The following CPVL variants were observed in gnomAD, a reference collection of about 807,000 sequenced individuals.
CPVL encodes carboxypeptidase vitellogenic like, also known as probable serine carboxypeptidase CPVL.
A neutral mutation model predicts 63.7 loss-of-function variants in CPVL; 51 were observed. That is an observed-to-expected ratio of 0.80 (90% CI 0.64 to 1.01). CPVL has a LOEUF of 1.01. Ranked by LOEUF, CPVL falls within the 50% of genes least tolerant of loss-of-function variation. The pLI is 0.00. For missense variants in CPVL, 530 were observed against 573.1 expected, an observed-to-expected ratio of 0.92 and a Z score of 0.77; for synonymous variants, 195 against 206.0, an observed-to-expected ratio of 0.95 and a Z score of 0.46.
At chr7:29,089,050 T>C (rs1436466285) in intron 6 of CPVL, among the ~76,000 whole-genome samples, 36 of 152,184 alleles carry the variant, frequency 2.4e-4, no homozygotes. Flanking sequence ...AAGAGCTACA[T>C]GGCACAAGAA....
At chr7:29,155,438 A>G (rs761479460) in intron 5 of CPVL, among the ~76,000 whole-genome samples, 22 of 152,208 alleles carry the variant, frequency 1.4e-4, no homozygotes, top group Non-Finnish European at 2.9e-4. Flanking sequence ...GAGGTCATTC[A>G]GCCCTTACTG....
chr7:29,188,206 A>G (rs1798960410), intron 1 of CPVL, among the ~76,000 whole-genome samples: 1 of 152,224 alleles, frequency 6.6e-6, no homozygotes, highest in Non-Finnish European at 1.5e-5. Context: ...TATGCTTTAG[A>G]CACTATATTA....
chr7:29,073,532 G>T (rs1398214699), intron 7 of CPVL, among the ~76,000 whole-genome samples: 1 of 152,034 alleles, frequency 6.6e-6, no homozygotes, highest in African/African-American at 2.4e-5. Flanking sequence ...TTCCTTTCCA[G>T]CCCATTGGGT....
chr7:29,147,542 A>G (rs763931552), upstream of CPVL, among the ~76,000 whole-genome samples: 1 of 152,186 alleles, frequency 6.6e-6, no homozygotes, highest in Non-Finnish European at 1.5e-5. Flanking sequence ...CTAAGTACCT[A>G]CTTTATTGGG....
At chr7:29,072,023 T>G in intron 8 of CPVL, 119 bp from the exon 9 acceptor site, 2 of 1,238,276 alleles carry the variant, frequency 1.6e-6, no homozygotes, top group Non-Finnish European at 2.3e-6. Context: ...GTTAGCCAAG[T>G]AGGATAATTA....
chr7:29,133,309 C>A (rs1030498645), intron 1 of CPVL, among the ~76,000 whole-genome samples: 4 of 152,116 alleles, frequency 2.6e-5, no homozygotes, highest in Non-Finnish European at 4.4e-5. Flanking sequence ...AAAGAAAAAT[C>A]TGTCTTTATC....
At chr7:29,084,543 G>T (rs1453314041) in intron 7 of CPVL, among the ~76,000 whole-genome samples, 2 of 152,138 alleles carry the variant, frequency 1.3e-5, no homozygotes, top group African/African-American at 2.4e-5. Flanking sequence ...CTAGAATGTA[G>T]GGCATGGATT....
At position 29,071,763 on chromosome 7, in the gene CPVL, C is replaced by G. The variant is rs760391177; in HGVS notation, c.864+10G>C. The G allele has an allele frequency of 1.7e-4, 282 of 1,612,250 alleles. No individual in the cohort carries two copies. The Middle Eastern group carries it at 2.5e-3, about 14-fold the overall frequency. On this transcript the variant is annotated intron_variant, in intron 9 of 12. Transcript: ENST00000265394. ...TTGCTCAAGGGCAGCACAGGGCCCCCAGAACTCACTTCAAAGGCCTCAAAC... is the reference window on the plus strand; with the variant it reads ...TTGCTCAAGGGCAGCACAGGGCCCCGAGAACTCACTTCAAAGGCCTCAAAC...
At chr7:29,157,661 T>C (rs896948926) in intron 5 of CPVL, among the ~76,000 whole-genome samples, 4 of 152,242 alleles carry the variant, frequency 2.6e-5, no homozygotes, top group East Asian at 3.9e-4. Flanking sequence ...TAATGTTTCA[T>C]TGGAGATAAA....
At chr7:29,087,862 A>T (rs537877091) in intron 6 of CPVL, among the ~76,000 whole-genome samples, 11 of 152,178 alleles carry the variant, frequency 7.2e-5, no homozygotes, top group Non-Finnish European at 1.6e-4. Context: ...GTTTCGGTGT[A>T]TTTCTGTATT....
chr7:29,128,613 G>A (rs138297819), intron 1 of CPVL, among the ~76,000 whole-genome samples: 1,775 of 151,298 alleles, frequency 0.012, 32 homozygotes, highest in African/African-American at 0.04. Flanking sequence ...CTACTCATGA[G>A]GTTGAGGCAG....
intron 5 of CPVL, among the ~76,000 whole-genome samples, chr7:29,176,276 A>G (rs960218107): frequency 1.3e-5 from 2 of 152,162 alleles, no homozygotes; most frequent in South Asian, 2.1e-4. Context: ...AAGAAGGCCA[A>G]TAGGTCCTGA....
chr7:29,100,947 C>G (rs1787052699), intron 3 of CPVL, among the ~76,000 whole-genome samples: 1 of 152,166 alleles, frequency 6.6e-6, no homozygotes. Flanking sequence ...CCCCAAGAGT[C>G]AGTTGTGTCA....
chr7:29,029,928 C>T (rs985914940), intron 12 of CPVL, among the ~76,000 whole-genome samples: 3 of 152,166 alleles, frequency 2.0e-5, no homozygotes, highest in African/African-American at 7.2e-5. Context: ...TGTACACTTA[C>T]ATATCGACAA....
chr7:29,049,238 T>C (rs1476621870), intron 11 of CPVL, among the ~76,000 whole-genome samples: 1 of 152,038 alleles, frequency 6.6e-6, no homozygotes, highest in Non-Finnish European at 1.5e-5. Context: ...AAGAGCTGGT[T>C]CTTTGAAAAG....
intron 1 of CPVL, among the ~76,000 whole-genome samples, chr7:29,135,025 C>T (rs1236782218): frequency 6.6e-6 from 1 of 151,096 alleles, no homozygotes; most frequent in East Asian, 2.0e-4. Context: ...ATCACTTGGG[C>T]CCCAGGAGGT....
intron 4 of CPVL, among the ~76,000 whole-genome samples, chr7:29,182,635 G>C (rs974035804): frequency 6.6e-6 from 1 of 152,020 alleles, no homozygotes; most frequent in Non-Finnish European, 1.5e-5. Flanking sequence ...ACACAATTAC[G>C]TACACTCATG....
chr7:29,114,523 G>T (rs866420430), intron 2 of CPVL, among the ~76,000 whole-genome samples: 4 of 152,072 alleles, frequency 2.6e-5, no homozygotes, highest in Admixed American at 6.5e-5. Context: ...CCAGCAACTC[G>T]GGAGGCTGAG....
Position 28,995,302 on chromosome 7 carries a change from T to G in CPVL, c.*470A>C, listed in dbSNP as rs1034839. The G allele has an allele frequency of 0.14, 21,140 of 152,978 alleles. 4,427 individuals are homozygous for G. Among genetic ancestry groups the G allele is most frequent in the African/African-American group, 0.46 (18,931 of 41,496 alleles). 9.5% of individuals were successfully genotyped at this position (152,978 alleles called of 1,614,324 possible). A position where few individuals can be genotyped will look rare whatever the true frequency, so the allele number is the denominator to read the frequency against. ...AAGACTTTATACATTTGAGAATCTTTTCCCCAAAACTATTATAGCTTCATC... is the reference window on the plus strand; with the variant it reads ...AAGACTTTATACATTTGAGAATCTTGTCCCCAAAACTATTATAGCTTCATC... On this transcript the variant is annotated 3_prime_UTR_variant, in exon 13 of 13. Coordinates refer to ENST00000265394, the MANE Select transcript of CPVL (RefSeq NM_031311.5).
Sources: allele counts gnomAD v4.1 joint callset (sites outside exome capture counted in the v4.1 genomes callset), GRCh38; gene constraint gnomAD v4.1.1; transcripts MANE v1.5; gene names NCBI Gene and HGNC (gene_info 2026-07-23, HGNC 2026-07-21).